Variants in DPH6 observed in about 807,000 individuals in gnomAD.
DPH6 encodes diphthine--ammonia ligase.
In DPH6, 33 loss-of-function variants were observed where a neutral mutation model predicts 38.2. That is an observed-to-expected ratio of 0.86 (90% CI 0.65 to 1.15). DPH6 has a LOEUF of 1.15. Ranked by LOEUF, DPH6 falls within the 50% of genes most tolerant of loss-of-function variation. The probability of loss-of-function intolerance (pLI) is 0.00; values close to 1 mark genes in which losing one functional copy is unlikely to be tolerated. For synonymous variants in DPH6, 108 were observed against 103.0 expected (o/e 1.05, Z -0.30); for missense variants, 325 against 320.0 (o/e 1.02, Z -0.12).
intron 3 of DPH6, among the ~76,000 whole-genome samples, chr15:35,456,320 T>A (rs931961044): frequency 2.6e-5 from 4 of 151,896 alleles, no homozygotes; most frequent in African/African-American, 7.2e-5. Flanking sequence ...ATCATATAGA[T>A]GTTTATCTGA....
intron 3 of DPH6, among the ~76,000 whole-genome samples, chr15:35,226,501 C>G (rs2140388888): frequency 6.6e-6 from 1 of 152,226 alleles, no homozygotes; most frequent in South Asian, 2.1e-4. Context: ...TGGTACAAGT[C>G]AAAATGGCAT....
chr15:35,496,566 AAATATAT>A (rs537446997), intron 3 of DPH6, among the ~76,000 whole-genome samples: 1,591 of 93,790 alleles, frequency 0.017, 111 homozygotes, highest in African/African-American at 0.061. Flanking sequence ...AAAAAAAAAA[AAATATAT>A]ATATATATAT....
intron 3 of DPH6, among the ~76,000 whole-genome samples, chr15:35,517,561 A>G (rs769118937): frequency 3.3e-5 from 5 of 152,080 alleles, no homozygotes; most frequent in Non-Finnish European, 5.9e-5. Flanking sequence ...GAGAATTTGT[A>G]CCTTTTCATT....
intron 3 of DPH6, among the ~76,000 whole-genome samples, chr15:35,287,088 G>C (rs549176755): frequency 6.6e-6 from 1 of 151,996 alleles, no homozygotes; most frequent in Non-Finnish European, 1.5e-5. Flanking sequence ...AATAAATATC[G>C]TACAGCATAT....
intron 4 of DPH6, among the ~76,000 whole-genome samples, chr15:35,453,428 A>C (rs2053960099): frequency 6.6e-6 from 1 of 152,200 alleles, no homozygotes; most frequent in Admixed American, 6.5e-5. Flanking sequence ...CTTCTTAAAA[A>C]ACACTAATTT....
intron 3 of DPH6, among the ~76,000 whole-genome samples, chr15:35,285,872 G>GTTGTTTTTT (rs1555391170): frequency 1.9e-5 from 1 of 52,794 alleles, no homozygotes; most frequent in African/African-American, 7.5e-5. Flanking sequence ...TTATCTTTGA[G>GTTGTTTTTT]TTTTTTTTTT....
At chr15:35,294,635 C>G (rs2052002873) in intron 3 of DPH6, among the ~76,000 whole-genome samples, 1 of 152,184 alleles carries the variant, frequency 6.6e-6, no homozygotes, top group African/African-American at 2.4e-5. Context: ...CTACTACACA[C>G]TATATACTGT....
chr15:35,326,981 G>A (rs905326755), downstream of DPH6, among the ~76,000 whole-genome samples: 6 of 152,106 alleles, frequency 3.9e-5, no homozygotes, highest in African/African-American at 1.4e-4. Context: ...TATTAGAGTG[G>A]GAGTGTGGCA....
chr15:35,517,018 A>T (rs1384695294), intron 3 of DPH6, among the ~76,000 whole-genome samples: 1 of 152,130 alleles, frequency 6.6e-6, no homozygotes, highest in East Asian at 1.9e-4. Context: ...TACATACATC[A>T]TCACATACTT....
At chr15:35,237,844 T>A in intron 3 of DPH6, 1 of 1,533,440 alleles carries the variant, frequency 6.5e-7, no homozygotes, top group Non-Finnish European at 9.0e-7. Flanking sequence ...AGGAGGAGGA[T>A]GAGGATGAGG....
intron 3 of DPH6, among the ~76,000 whole-genome samples, chr15:35,221,704 A>G (rs1027089472): frequency 6.6e-6 from 1 of 152,224 alleles, no homozygotes; most frequent in African/African-American, 2.4e-5. Flanking sequence ...TAATCCCATT[A>G]TCAAAGGGTA....
At chr15:35,294,942 C>T (rs2052005483) in intron 3 of DPH6, among the ~76,000 whole-genome samples, 1 of 152,188 alleles carries the variant, frequency 6.6e-6, no homozygotes. Flanking sequence ...ATGGTGAGTT[C>T]ACGGGGCTCA....
intron 3 of DPH6, among the ~76,000 whole-genome samples, chr15:35,340,374 T>G (rs1365408779): frequency 6.6e-6 from 1 of 152,228 alleles, no homozygotes; most frequent in African/African-American, 2.4e-5. Context: ...TTAGCCCATT[T>G]ACATTTAAAG....
At chr15:35,216,443 T>C (rs893838790), downstream of DPH6, among the ~76,000 whole-genome samples, 1 of 152,240 alleles carries the variant, frequency 6.6e-6, no homozygotes, top group African/African-American at 2.4e-5. Flanking sequence ...TCATATTCAA[T>C]GCTATTGGTT....
chr15:35,354,914 G>T (rs1160886066), intron 3 of DPH6, among the ~76,000 whole-genome samples: 1 of 152,086 alleles, frequency 6.6e-6, no homozygotes, highest in Non-Finnish European at 1.5e-5. Context: ...TATTGTGTGG[G>T]AATCTAAGTC....
downstream of DPH6, among the ~76,000 whole-genome samples, chr15:35,368,480 G>A (rs2052681076): frequency 6.6e-6 from 1 of 151,914 alleles, no homozygotes; most frequent in Non-Finnish European, 1.5e-5. Flanking sequence ...TCATACACTA[G>A]AAAGAAAATC....
chr15:35,258,651 T>C (rs533616320), intron 3 of DPH6, among the ~76,000 whole-genome samples: 25 of 152,364 alleles, frequency 1.6e-4, no homozygotes, highest in African/African-American at 5.5e-4. Flanking sequence ...TAAACCTTTA[T>C]CAAAATAGAA....
intron 5 of DPH6, among the ~76,000 whole-genome samples, chr15:35,445,901 T>G (rs978518722): frequency 3.9e-5 from 6 of 152,230 alleles, no homozygotes; most frequent in Non-Finnish European, 7.3e-5. Context: ...GAGCAGTTTC[T>G]GTCTCCAGTA....
At chr15:35,438,647 T>C (rs1199706063) in intron 5 of DPH6, among the ~76,000 whole-genome samples, 1 of 152,134 alleles carries the variant, frequency 6.6e-6, no homozygotes, top group Non-Finnish European at 1.5e-5. Flanking sequence ...TGTGGTTATA[T>C]ATATGTTGTG....
Sources: allele counts gnomAD v4.1 joint callset (sites outside exome capture counted in the v4.1 genomes callset), GRCh38; gene constraint gnomAD v4.1.1; transcripts MANE v1.5; gene names NCBI Gene and HGNC (gene_info 2026-07-23, HGNC 2026-07-21).